The following NMBR variants were observed in gnomAD, a reference collection of about 807,000 sequenced individuals.
NMBR encodes the protein neuromedin B receptor.
In NMBR, 16 loss-of-function variants were observed where a neutral mutation model predicts 20.5. That is an observed-to-expected ratio of 0.78 (90% confidence interval 0.53 to 1.19). The LOEUF (loss-of-function observed/expected upper bound fraction) is 1.19, where lower values mean the gene tolerates loss of function less well. Ranked by LOEUF, NMBR falls within the 50% of genes most tolerant of loss-of-function variation. NMBR has a pLI of 0.00. For missense variants in NMBR, 582 were observed against 499.1 expected, an observed-to-expected ratio of 1.17 and a Z score of -1.58; for synonymous variants, 212 against 196.6, an observed-to-expected ratio of 1.08 and a Z score of -0.65.
chr6:142,097,332 A>T (rs973384950), intron 1 of NMBR, among the ~76,000 whole-genome samples: 2 of 152,114 alleles, frequency 1.3e-5, no homozygotes, highest in African/African-American at 4.8e-5. Context: ...TTCCATGTTT[A>T]GTGCTTCCTT....
chr6:142,143,563 C>T (rs988557956), intron 1 of NMBR, among the ~76,000 whole-genome samples: 5 of 152,216 alleles, frequency 3.3e-5, no homozygotes, highest in Non-Finnish European at 7.3e-5. Context: ...GAATTACAGG[C>T]GTGAGCCACT....
intron 1 of NMBR, chr6:142,134,485 C>A (rs1292726823): frequency 3.8e-5 from 18 of 473,934 alleles, no homozygotes; most frequent in Non-Finnish European, 6.3e-5. Flanking sequence ...ATTTTAGTTA[C>A]ATATTGATTA....
intron 1 of NMBR, among the ~76,000 whole-genome samples, chr6:142,142,462 C>T (rs1051561588): frequency 3.3e-5 from 5 of 152,080 alleles, no homozygotes; most frequent in African/African-American, 1.2e-4. Flanking sequence ...ATATTATAAA[C>T]ACCCATTTAT....
At chr6:142,096,995 C>T (rs1390392278) in intron 1 of NMBR, among the ~76,000 whole-genome samples, 2 of 151,834 alleles carry the variant, frequency 1.3e-5, no homozygotes, top group African/African-American at 4.8e-5. Flanking sequence ...GGATTGCAAC[C>T]CCTGCCTTTT....
chr6:142,117,038 C>T (rs1166114546), intron 1 of NMBR, among the ~76,000 whole-genome samples: 2 of 151,894 alleles, frequency 1.3e-5, no homozygotes. Context: ...TGTTTCCATT[C>T]CAATCCCAAT....
chr6:142,135,893 C>T (rs1340084436), intron 1 of NMBR, among the ~76,000 whole-genome samples: 1 of 151,668 alleles, frequency 6.6e-6, no homozygotes, highest in Non-Finnish European at 1.5e-5. Context: ...TCCAGTCTAT[C>T]ATTGTTGGAC....
chr6:142,107,866 AT>A (rs772026375), intron 1 of NMBR, among the ~76,000 whole-genome samples: 16 of 87,988 alleles, frequency 1.8e-4, no homozygotes, highest in Non-Finnish European at 3.0e-4. Flanking sequence ...AATAGAGACT[AT>A]CAAAAAAAAA....
intron 1 of NMBR, among the ~76,000 whole-genome samples, chr6:142,090,161 AC>A (rs1211249271): frequency 2.0e-5 from 3 of 152,106 alleles, no homozygotes; most frequent in African/African-American, 7.2e-5. Flanking sequence ...TCTAATGTAA[AC>A]TGATCAGAAA....
At chr6:142,131,805 T>C (rs1217346372) in intron 1 of NMBR, among the ~76,000 whole-genome samples, 3 of 152,176 alleles carry the variant, frequency 2.0e-5, no homozygotes, top group Non-Finnish European at 2.9e-5. Context: ...GACAATTCTA[T>C]ACACCCCTGA....
At chr6:142,122,503 C>G (rs962027060) in intron 1 of NMBR, among the ~76,000 whole-genome samples, 2 of 151,928 alleles carry the variant, frequency 1.3e-5, no homozygotes, top group Non-Finnish European at 2.9e-5. Flanking sequence ...GGTGGCAACA[C>G]AAAACAACAG....
Position 142,075,504 on chromosome 6 carries a change from T to C in NMBR, c.*144A>G. 4 of 690,938 alleles carry C rather than the reference T, an allele frequency of 5.8e-6. No homozygotes were observed. The highest frequency in any genetic ancestry group is 9.5e-6 in the Non-Finnish European group (4 of 419,448). 42.8% of individuals were successfully genotyped at this position (690,938 alleles called of 1,614,324 possible). A position where few individuals can be genotyped will look rare whatever the true frequency, so the allele number is the denominator to read the frequency against. On this transcript the variant is annotated 3_prime_UTR_variant, in exon 4 of 4. Transcript: ENST00000258042. ...TGAAAAGAGAAAAAATAAAGTCTAG[T>C]GTAGAGAAAAAATGTCTTGCATTTT...
intron 1 of NMBR, among the ~76,000 whole-genome samples, chr6:142,136,692 C>T (rs1778264015): frequency 6.6e-6 from 1 of 152,154 alleles, no homozygotes; most frequent in African/African-American, 2.4e-5. Context: ...AGGAAGGGAT[C>T]CAGTTTCAGC....
chr6:142,135,251 T>C (rs1778231308), intron 1 of NMBR: 1 of 157,176 alleles, frequency 6.4e-6, no homozygotes, highest in African/African-American at 2.4e-5. Flanking sequence ...AGTGGAAAAT[T>C]GATGCTCATG....
At chr6:142,097,073 C>T (rs571506198) in intron 1 of NMBR, among the ~76,000 whole-genome samples, 10 of 152,136 alleles carry the variant, frequency 6.6e-5, no homozygotes, top group South Asian at 2.1e-4. Flanking sequence ...TGTCTTTGCA[C>T]GTGAGATGGG....
At chr6:142,097,227 G>A (rs1339730511) in intron 1 of NMBR, among the ~76,000 whole-genome samples, 1 of 152,050 alleles carries the variant, frequency 6.6e-6, no homozygotes, top group African/African-American at 2.4e-5. Context: ...GATGTTAGCT[G>A]GTGATTTTGC....
intron 2 of NMBR, among the ~76,000 whole-genome samples, chr6:142,087,570 C>T (rs11155234): frequency 0.14 from 21,205 of 152,066 alleles, 2,008 homozygotes; most frequent in Non-Finnish European, 0.21. Flanking sequence ...CACTTCACAC[C>T]CTTAACATAT....
chr6:142,095,679 G>A (rs1315671002), intron 1 of NMBR, among the ~76,000 whole-genome samples: 1 of 152,132 alleles, frequency 6.6e-6, no homozygotes, highest in African/African-American at 2.4e-5. Flanking sequence ...AATGAGTTAG[G>A]GAGGATTCCC....
At chr6:142,146,154 G>T (rs1238187963) in intron 1 of NMBR, among the ~76,000 whole-genome samples, 1 of 152,170 alleles carries the variant, frequency 6.6e-6, no homozygotes, top group Non-Finnish European at 1.5e-5. Flanking sequence ...GAGTAAAAAA[G>T]CCCGACCCAG....
At position 142,074,577 on chromosome 6, in the gene NMBR, AC is replaced by A. The variant is rs1370179063; in HGVS notation, c.*1070del. Among the ~76,000 whole-genome samples, 1 of 152,166 alleles carries A rather than the reference AC, an allele frequency of 6.6e-6. No individual in the cohort carries two copies. The highest frequency in any genetic ancestry group is 1.9e-4 in the East Asian group (1 of 5,196). On this transcript the variant is annotated 3_prime_UTR_variant, in exon 4 of 4. Transcript: ENST00000258042. ...ATTTGCATTTTCCTAAAAAAAGAAG[AC>A]ATTTGTTCAGAGAAAACTGTGGTAT...
Sources: allele counts gnomAD v4.1 joint callset (sites outside exome capture counted in the v4.1 genomes callset), GRCh38; gene constraint gnomAD v4.1.1; transcripts MANE v1.5; gene names NCBI Gene and HGNC (gene_info 2026-07-23, HGNC 2026-07-21).